Variants in LRRTM4 observed in about 807,000 individuals in gnomAD.
The protein encoded by LRRTM4 is leucine rich repeat transmembrane neuronal 4, also known as leucine-rich repeat transmembrane neuronal protein 4.
LRRTM4 carries 25 observed loss-of-function variants against 47.6 expected under a neutral mutation model. The ratio of observed to expected loss-of-function variants is 0.53; its 90% CI spans 0.38 to 0.73. The LOEUF (loss-of-function observed/expected upper bound fraction) is 0.73, where lower values mean the gene tolerates loss of function less well. Among genes scored for constraint, LRRTM4 ranks in the 30% least tolerant of loss-of-function variants. The pLI, the probability that LRRTM4 is intolerant of heterozygous loss-of-function variation, is 0.00. For synonymous variants in LRRTM4, 311 were observed against 269.5 expected (o/e 1.15, Z -1.51); for missense variants, 638 against 713.4 (o/e 0.89, Z 1.20).
chr2:77,411,602 G>C (rs13027944), intron 3 of LRRTM4, among the ~76,000 whole-genome samples: 5 of 138,640 alleles, frequency 3.6e-5, no homozygotes, highest in Admixed American at 7.4e-5. Flanking sequence ...ACAGGCCCCC[G>C]CCACCATGCC....
intron 3 of LRRTM4, among the ~76,000 whole-genome samples, chr2:77,321,554 G>C (rs1024273475): frequency 1.4e-4 from 13 of 94,062 alleles, no homozygotes; most frequent in African/African-American, 3.1e-4. Flanking sequence ...AATCGGGGAG[G>C]GGGGGGGGTG....
chr2:77,314,737 G>T (rs548201907), intron 3 of LRRTM4, among the ~76,000 whole-genome samples: 1 of 152,246 alleles, frequency 6.6e-6, no homozygotes, highest in Admixed American at 6.5e-5. Context: ...CTAAACAATG[G>T]TTTGATTTTT....
At chr2:77,355,139 G>C (rs1671922918) in intron 3 of LRRTM4, among the ~76,000 whole-genome samples, 1 of 152,000 alleles carries the variant, frequency 6.6e-6, no homozygotes, top group African/African-American at 2.4e-5. Flanking sequence ...ACCATGTCAT[G>C]GTCTAATGAA....
chr2:77,120,547 T>C (rs1671498010), intron 3 of LRRTM4, among the ~76,000 whole-genome samples: 1 of 151,850 alleles, frequency 6.6e-6, no homozygotes, highest in Non-Finnish European at 1.5e-5. Flanking sequence ...AGAAATAAGC[T>C]ACATAAGGTT....
chr2:77,474,954 C>T (rs973057717), intron 3 of LRRTM4, among the ~76,000 whole-genome samples: 3 of 152,026 alleles, frequency 2.0e-5, no homozygotes, highest in African/African-American at 7.2e-5. Flanking sequence ...CAATTTTGCT[C>T]ATCTAGAAGA....
chr2:77,329,385 G>GT, intron 3 of LRRTM4, among the ~76,000 whole-genome samples: 1 of 152,104 alleles, frequency 6.6e-6, no homozygotes. Flanking sequence ...TGTAAATATG[G>GT]TTTTGGATGG....
At chr2:76,974,187 C>CATATATACATAT (rs1676325197) in intron 3 of LRRTM4, among the ~76,000 whole-genome samples, 4 of 107,714 alleles carry the variant, frequency 3.7e-5, no homozygotes, top group Admixed American at 2.1e-4. Context: ...TATATACATA[C>CATATATACATAT]ATATATATAC....
In LRRTM4 at chr2:77,019,253, CA is replaced by C. The variant is rs56028060; in HGVS notation, c.1552-270338del. Among the ~76,000 whole-genome samples the C allele has an allele frequency of 9.0e-3, 728 of 80,512 alleles. 2 individuals carry two copies. The highest frequency in any genetic ancestry group is 0.042 in the Middle Eastern group (5 of 118). 52.8% of individuals were successfully genotyped at this position (80,512 alleles called of 152,430 possible). A position where few individuals can be genotyped will look rare whatever the true frequency, so the allele number is the denominator to read the frequency against. On this transcript the variant is annotated intron_variant, in intron 3 of 3. Transcript: ENST00000409884. ...GGATACTAAGCTTGTCACTGCTCTACAAAAAAAAAAAAAAAAAAAAAAATAT... is the reference window on the plus strand; with the variant it reads ...GGATACTAAGCTTGTCACTGCTCTACAAAAAAAAAAAAAAAAAAAAAATAT...
chr2:77,219,411 C>T (rs1037513619), intron 3 of LRRTM4, among the ~76,000 whole-genome samples: 1 of 152,082 alleles, frequency 6.6e-6, no homozygotes, highest in East Asian at 1.9e-4. Flanking sequence ...AAATCCCTTC[C>T]CCCAGAAGTC....
At chr2:77,298,272 T>G (rs1160036139) in intron 3 of LRRTM4, among the ~76,000 whole-genome samples, 1 of 152,260 alleles carries the variant, frequency 6.6e-6, no homozygotes, top group Non-Finnish European at 1.5e-5. Flanking sequence ...AGTCTCGCTC[T>G]GTCGCCCAGG....
chr2:77,391,671 C>G (rs1022926839), intron 3 of LRRTM4, among the ~76,000 whole-genome samples: 2 of 151,854 alleles, frequency 1.3e-5, no homozygotes, highest in Admixed American at 6.6e-5. Context: ...ATGTCCATTG[C>G]AAATTTATAA....
intron 3 of LRRTM4, among the ~76,000 whole-genome samples, chr2:77,115,944 A>T (rs1445810816): frequency 1.3e-5 from 2 of 152,012 alleles, no homozygotes; most frequent in African/African-American, 4.8e-5. Context: ...TTCCAACCAG[A>T]TCTTCTTCAG....
intron 3 of LRRTM4, among the ~76,000 whole-genome samples, chr2:76,862,639 G>T (rs56270055): frequency 6.6e-6 from 1 of 152,032 alleles, no homozygotes; most frequent in African/African-American, 2.4e-5. Context: ...ACGCGTGCGC[G>T]CGCACACACA....
At chr2:76,859,490 T>C (rs1303060775) in intron 3 of LRRTM4, among the ~76,000 whole-genome samples, 2 of 152,154 alleles carry the variant, frequency 1.3e-5, no homozygotes, top group African/African-American at 2.4e-5. Flanking sequence ...GTTAAAATGA[T>C]GTGAAAAAAG....
At chr2:77,371,350 C>A (rs1672648997) in intron 3 of LRRTM4, among the ~76,000 whole-genome samples, 1 of 151,778 alleles carries the variant, frequency 6.6e-6, no homozygotes, top group Non-Finnish European at 1.5e-5. Flanking sequence ...AGGCCTTCAG[C>A]ACCACCTGCC....
chr2:77,360,347 C>G (rs751359327), intron 3 of LRRTM4, among the ~76,000 whole-genome samples: 2 of 151,990 alleles, frequency 1.3e-5, no homozygotes, highest in Non-Finnish European at 2.9e-5. Context: ...GTCTCAGCTA[C>G]TCGGGAGGCT....
At chr2:77,048,924 C>T (rs905814727) in intron 3 of LRRTM4, among the ~76,000 whole-genome samples, 16 of 151,414 alleles carry the variant, frequency 1.1e-4, no homozygotes, top group Admixed American at 9.3e-4. Flanking sequence ...CCCATCTCCC[C>T]ACTCTCTTAT....
At chr2:77,428,563 C>G (rs892201113) in intron 3 of LRRTM4, among the ~76,000 whole-genome samples, 1 of 152,110 alleles carries the variant, frequency 6.6e-6, no homozygotes, top group African/African-American at 2.4e-5. Context: ...ATTGCCTTTT[C>G]CCATTCTCAG....
At chr2:77,101,028 G>A (rs1455719905) in intron 3 of LRRTM4, among the ~76,000 whole-genome samples, 1 of 151,608 alleles carries the variant, frequency 6.6e-6, no homozygotes, top group Non-Finnish European at 1.5e-5. Context: ...GTAGAGACGG[G>A]GTTTCACCAC....
Sources: gnomAD v4.1 joint callset for allele counts (sites outside exome capture counted in the v4.1 genomes callset) on GRCh38, gnomAD v4.1.1 for gene constraint, MANE v1.5 for transcripts, NCBI Gene and HGNC (gene_info 2026-07-23, HGNC 2026-07-21) for gene names.